MNAT1: variants seen among roughly 807,000 people sequenced by gnomAD.
MNAT1 encodes MNAT1 component of CDK activating kinase.
MNAT1 carries 43 observed loss-of-function variants against 42.0 expected under a neutral mutation model. The ratio of observed to expected loss-of-function variants is 1.02; its 90% CI spans 0.80 to 1.32. MNAT1 has a LOEUF of 1.32. Among genes scored for constraint, MNAT1 ranks in the 40% most tolerant of loss-of-function variants. The pLI is 0.00. For missense variants in MNAT1, 306 were observed against 350.4 expected (o/e 0.87, Z 1.01); for synonymous variants, 118 against 120.0 (o/e 0.98, Z 0.11).
rs117818986 is a variant in MNAT1 at position 60,961,568 on chromosome 14, T to C, written c.810-6661T>C. Among the ~76,000 whole-genome samples the C allele has an allele frequency of 4.6e-4, 70 of 152,348 alleles. 2 individuals carry two copies. The East Asian group carries it at 0.013, about 28-fold the overall frequency. On this transcript the variant is annotated intron_variant, in intron 7 of 7. Coordinates refer to ENST00000261245, the MANE Select transcript of MNAT1 (RefSeq NM_002431.4). Reference sequence around the variant, plus strand: ...GGGAAACCTGTTCTGATCTTATTCATGTTGGCTTCTCTTTTTATCCACATT... The same window carrying C: ...GGGAAACCTGTTCTGATCTTATTCACGTTGGCTTCTCTTTTTATCCACATT...
chr14:60,771,777 G>A (rs1234336886), intron 1 of MNAT1, among the ~76,000 whole-genome samples: 2 of 152,112 alleles, frequency 1.3e-5, no homozygotes, highest in African/African-American at 2.4e-5. Context: ...GGCTCTATGA[G>A]GGCAGGGATC....
At chr14:60,912,813 C>G (rs1459437677) in intron 7 of MNAT1, among the ~76,000 whole-genome samples, 1 of 152,098 alleles carries the variant, frequency 6.6e-6, no homozygotes, top group Non-Finnish European at 1.5e-5. Context: ...CTTGGAGTTG[C>G]TCTTCTCGAG....
chr14:60,824,096 G>A (rs2032984525), intron 6 of MNAT1, among the ~76,000 whole-genome samples: 1 of 152,090 alleles, frequency 6.6e-6, no homozygotes, highest in African/African-American at 2.4e-5. Context: ...GGCAGAGGTT[G>A]CAGTAAGCTG....
In MNAT1 at chr14:60,748,093, A is replaced by G. The variant is rs192622925; in HGVS notation, c.89+13142A>G. Among the ~76,000 whole-genome samples, 202 of 152,138 alleles carry G rather than the reference A, an allele frequency of 1.3e-3. 1 individual carries two copies. Among genetic ancestry groups the G allele is most frequent in the African/African-American group, 4.6e-3 (191 of 41,520 alleles). On this transcript the variant is annotated intron_variant, in intron 1 of 7. Transcript: ENST00000261245. ...CACCTGTAGTCCCAAGCTACTTGGGAGGCTGAGGCAGGAGAATCCCTTGAA... is the reference window on the plus strand; with the variant it reads ...CACCTGTAGTCCCAAGCTACTTGGGGGGCTGAGGCAGGAGAATCCCTTGAA...
At chr14:60,835,753 G>A (rs956177807) in intron 6 of MNAT1, among the ~76,000 whole-genome samples, 1 of 152,162 alleles carries the variant, frequency 6.6e-6, no homozygotes, top group Non-Finnish European at 1.5e-5. Flanking sequence ...GGTGGTCTCT[G>A]TATTTTCTGA....
intron 6 of MNAT1, among the ~76,000 whole-genome samples, chr14:60,861,516 G>T (rs1486127496): frequency 6.6e-6 from 1 of 151,488 alleles, no homozygotes; most frequent in Non-Finnish European, 1.5e-5. Flanking sequence ...ATGTCATTAG[G>T]TTTTTTTCAC....
At chr14:60,831,455 G>T (rs1461016874) in intron 6 of MNAT1, among the ~76,000 whole-genome samples, 1 of 152,104 alleles carries the variant, frequency 6.6e-6, no homozygotes, top group Non-Finnish European at 1.5e-5. Context: ...GTGTTAGTTT[G>T]CTGAGAATGA....
At chr14:60,923,413 T>C (rs2035702205) in intron 7 of MNAT1, among the ~76,000 whole-genome samples, 1 of 152,226 alleles carries the variant, frequency 6.6e-6, no homozygotes, top group Non-Finnish European at 1.5e-5. Context: ...ATATTTTTGT[T>C]ATTATACATA....
intron 7 of MNAT1, among the ~76,000 whole-genome samples, chr14:60,925,331 A>C (rs1354511202): frequency 6.6e-6 from 1 of 152,194 alleles, no homozygotes; most frequent in Non-Finnish European, 1.5e-5. Context: ...TAAGGGACTT[A>C]AGCATCTGCA....
intron 7 of MNAT1, among the ~76,000 whole-genome samples, chr14:60,903,191 G>T (rs1012305029): frequency 6.6e-6 from 1 of 151,688 alleles, no homozygotes; most frequent in Non-Finnish European, 1.5e-5. Flanking sequence ...ATTGCATCAT[G>T]AATATATATT....
chr14:60,946,828 A>G (rs1005059038), intron 7 of MNAT1, among the ~76,000 whole-genome samples: 1 of 152,230 alleles, frequency 6.6e-6, no homozygotes, highest in Non-Finnish European at 1.5e-5. Context: ...GTCTACTTCA[A>G]CTGCTATAAC....
chr14:60,910,414 G>A (rs1479655187), intron 7 of MNAT1, among the ~76,000 whole-genome samples: 4 of 152,110 alleles, frequency 2.6e-5, no homozygotes, highest in African/African-American at 9.7e-5. Context: ...GTTTTCAAAG[G>A]GAATGCTTCC....
At chr14:60,848,970 C>T (rs2033750630) in intron 6 of MNAT1, among the ~76,000 whole-genome samples, 1 of 152,068 alleles carries the variant, frequency 6.6e-6, no homozygotes, top group Non-Finnish European at 1.5e-5. Context: ...CTAGAGTTCC[C>T]CACTGAGTAT....
chr14:60,966,422 CAAT>C (rs1257426524), intron 7 of MNAT1, among the ~76,000 whole-genome samples: 2 of 152,140 alleles, frequency 1.3e-5, no homozygotes, highest in East Asian at 1.9e-4. Context: ...ACCCAGACAA[CAAT>C]GACTAATTAA....
chr14:60,823,961 A>C (rs114259735), intron 6 of MNAT1, among the ~76,000 whole-genome samples: 2,457 of 152,080 alleles, frequency 0.016, 69 homozygotes, highest in African/African-American at 0.056. Flanking sequence ...GTTGAAGACC[A>C]GTGTGGCCAA....
chr14:60,791,708 C>T (rs567523433), intron 1 of MNAT1, among the ~76,000 whole-genome samples: 112 of 152,176 alleles, frequency 7.4e-4, no homozygotes, highest in Middle Eastern at 3.4e-3. Flanking sequence ...ATAAGTAAGT[C>T]TCTACTTTTA....
intron 7 of MNAT1, among the ~76,000 whole-genome samples, chr14:60,904,854 C>T (rs1400612366): frequency 6.6e-6 from 1 of 151,894 alleles, no homozygotes; most frequent in East Asian, 1.9e-4. Flanking sequence ...GTTTACTTCT[C>T]CCGTATCGTG....
chr14:60,875,994 A>ACCCT (rs2034428578), intron 6 of MNAT1, among the ~76,000 whole-genome samples: 2 of 151,718 alleles, frequency 1.3e-5, no homozygotes, highest in Admixed American at 1.3e-4. Flanking sequence ...TCCCTCACTT[A>ACCCT]CCCTCCTCTC....
Position 60,969,602 on chromosome 14 carries a change from T to C in MNAT1, c.*1253T>C, listed in dbSNP as rs1044885572. On this transcript the variant is annotated 3_prime_UTR_variant, in exon 8 of 8. Transcript: ENST00000261245. ...AGAATTAGAATGCAGGTTTTTTTTT[T>C]CAAAGTCCAGTTCCATCTACATTCT... 3.9e-5 allele frequency: 6 copies of C among 152,176 alleles called. No individual in the cohort carries two copies. The East Asian group carries it at 5.8e-4, about 15-fold the overall frequency. 9.4% of individuals were successfully genotyped at this position (152,176 alleles called of 1,614,324 possible). A position where few individuals can be genotyped will look rare whatever the true frequency, so the allele number is the denominator to read the frequency against.
Sources: gnomAD v4.1 joint callset for allele counts (sites outside exome capture counted in the v4.1 genomes callset) on GRCh38, gnomAD v4.1.1 for gene constraint, MANE v1.5 for transcripts, NCBI Gene and HGNC (gene_info 2026-07-23, HGNC 2026-07-21) for gene names.